The following CREB5 variants were observed in gnomAD, a reference collection of about 807,000 sequenced individuals.
CREB5 encodes the protein cAMP responsive element binding protein 5.
A neutral mutation model predicts 57.1 loss-of-function variants in CREB5; 19 were observed. The observed-to-expected ratio is 0.33, with a 90% CI of 0.23 to 0.49. The LOEUF is 0.49. Ranked by LOEUF, CREB5 falls within the 20% of genes least tolerant of loss-of-function variation. The pLI, the probability that CREB5 is intolerant of heterozygous loss-of-function variation, is 0.99. For synonymous variants in CREB5, 238 were observed against 238.3 expected (o/e 1.00, Z 0.01); for missense variants, 579 against 671.6 (o/e 0.86, Z 1.52).
At chr7:28,616,059 T>C (rs1797585761) in intron 5 of CREB5, among the ~76,000 whole-genome samples, 2 of 152,240 alleles carry the variant, frequency 1.3e-5, no homozygotes, top group Admixed American at 1.3e-4. Context: ...TTTTGTACAA[T>C]CTGAGTATTC....
chr7:28,541,993 A>C (rs1385559355), intron 4 of CREB5, among the ~76,000 whole-genome samples: 1 of 152,194 alleles, frequency 6.6e-6, no homozygotes, highest in Non-Finnish European at 1.5e-5. Flanking sequence ...ACTTAAAGCT[A>C]TTTATAGTTT....
chr7:28,650,142 T>G (rs1166178053), intron 5 of CREB5, among the ~76,000 whole-genome samples: 1 of 152,192 alleles, frequency 6.6e-6, no homozygotes, highest in Non-Finnish European at 1.5e-5. Context: ...AAACACATAA[T>G]CTAATGAAAC....
intron 4 of CREB5, among the ~76,000 whole-genome samples, chr7:28,518,832 G>C (rs1276479873): frequency 6.6e-6 from 1 of 152,202 alleles, no homozygotes; most frequent in East Asian, 1.9e-4. Flanking sequence ...AGTGTGGTCT[G>C]AACTCAGGAC....
chr7:28,689,214 C>T (rs1216960811), intron 5 of CREB5, among the ~76,000 whole-genome samples: 5 of 152,124 alleles, frequency 3.3e-5, no homozygotes, highest in African/African-American at 7.2e-5. Context: ...CAGTGGCTCA[C>T]GCCTGTAATC....
At chr7:28,797,052 ATAAAT>A (rs1261739165) in intron 7 of CREB5, among the ~76,000 whole-genome samples, 3 of 152,262 alleles carry the variant, frequency 2.0e-5, no homozygotes, top group African/African-American at 4.8e-5. Context: ...TTCAGCAAGA[ATAAAT>A]TAAAGGCTCA....
chr7:28,624,223 T>G (rs955376008), intron 5 of CREB5, among the ~76,000 whole-genome samples: 4 of 152,230 alleles, frequency 2.6e-5, no homozygotes, highest in Admixed American at 2.0e-4. Flanking sequence ...TTGCGTGAAT[T>G]CTAAAGCCAA....
intron 1 of CREB5, among the ~76,000 whole-genome samples, chr7:28,437,518 A>G (rs1789009027): frequency 6.6e-6 from 1 of 152,138 alleles, no homozygotes. Flanking sequence ...TACCAGTATT[A>G]GATGCTTGTT....
intron 5 of CREB5, among the ~76,000 whole-genome samples, chr7:28,642,388 C>G (rs918741233): frequency 3.3e-5 from 5 of 152,158 alleles, no homozygotes; most frequent in Admixed American, 2.6e-4. Context: ...CTCCCAGTCC[C>G]AAGAGACATA....
intron 1 of CREB5, among the ~76,000 whole-genome samples, chr7:28,478,949 A>G (rs1277053165): frequency 1.3e-5 from 2 of 152,152 alleles, no homozygotes; most frequent in Admixed American, 1.3e-4. Context: ...AATTTCACAT[A>G]CTTTTTTGAA....
At chr7:28,311,865 G>A (rs1785284337) in intron 1 of CREB5, among the ~76,000 whole-genome samples, 1 of 152,146 alleles carries the variant, frequency 6.6e-6, no homozygotes. Context: ...TGTCTCTGCC[G>A]TCTGCACTCC....
intron 1 of CREB5, among the ~76,000 whole-genome samples, chr7:28,441,489 G>T (rs1312801634): frequency 6.6e-6 from 1 of 152,098 alleles, no homozygotes; most frequent in Non-Finnish European, 1.5e-5. Context: ...TATTTATTTT[G>T]CCTACCTCCC....
At chr7:28,448,498 T>A (rs1789608761) in intron 1 of CREB5, among the ~76,000 whole-genome samples, 1 of 152,212 alleles carries the variant, frequency 6.6e-6, no homozygotes, top group South Asian at 2.1e-4. Flanking sequence ...TTGTTTTTCT[T>A]CTGGGCCCAG....
rs189901396 is a variant in CREB5 at position 28,772,307 on chromosome 7, G to T, written c.703-31892G>T. On this transcript the variant is annotated intron_variant, in intron 7 of 10. Transcript: ENST00000357727. ...TTGGGGCAAAAGAGCAATGAGGGCT[G>T]CAGGGTGACCTGGGCAGCCCAAGGG... Among the ~76,000 whole-genome samples, 661 of 152,322 alleles carry T rather than the reference G, an allele frequency of 4.3e-3. 5 individuals are homozygous for T. The highest frequency in any genetic ancestry group is 7.4e-3 in the Non-Finnish European group (501 of 68,028).
In CREB5 at chr7:28,570,431, G is replaced by A. The variant is rs762867307; in HGVS notation, c.358G>A (p.Ala120Thr). ...GCCCGGAACTCACCAGCTTAGCAGC[G>A]CTCGGCTGCCCAACCATGACACCAA... ...TGPGTHQLSS[A>T]RLPNHDTNVV... The change falls in exon 5 of 11, where the codon GCT becomes ACT. Residue 120 changes from alanine to threonine, a missense_variant. Coordinates refer to ENST00000357727, the MANE Select transcript of CREB5 (RefSeq NM_182898.4). 13 of 1,614,018 alleles carry A rather than the reference G, an allele frequency of 8.1e-6. No homozygotes were observed. Among genetic ancestry groups the A allele is most frequent in the Middle Eastern group, 1.6e-4 (1 of 6,084 alleles).
At chr7:28,527,903 A>G (rs1793515346) in intron 4 of CREB5, among the ~76,000 whole-genome samples, 1 of 152,142 alleles carries the variant, frequency 6.6e-6, no homozygotes, top group South Asian at 2.1e-4. Flanking sequence ...CCTACTTTGC[A>G]CCACTGTAAT....
intron 7 of CREB5, among the ~76,000 whole-genome samples, chr7:28,792,669 C>T (rs188565119): frequency 4.6e-4 from 70 of 152,264 alleles, no homozygotes; most frequent in African/African-American, 1.3e-3. Flanking sequence ...GAAAAGATTC[C>T]GTATTTTTTA....
At chr7:28,691,288 C>T (rs1583556330) in intron 5 of CREB5, among the ~76,000 whole-genome samples, 2 of 151,778 alleles carry the variant, frequency 1.3e-5, no homozygotes, top group Non-Finnish European at 2.9e-5. Flanking sequence ...GGTGTGGTGG[C>T]GGGTGCCTGT....
chr7:28,621,061 T>G (rs1431500633), intron 5 of CREB5, among the ~76,000 whole-genome samples: 3 of 152,084 alleles, frequency 2.0e-5, no homozygotes, highest in African/African-American at 7.2e-5. Flanking sequence ...TATGGCAGCA[T>G]CTCCCAAGGG....
chr7:28,483,128 A>G (rs989415186), intron 1 of CREB5, among the ~76,000 whole-genome samples: 2 of 152,216 alleles, frequency 1.3e-5, no homozygotes, highest in Non-Finnish European at 2.9e-5. Context: ...TACAATAGGT[A>G]TTTACAGTAT....
Sources: gnomAD v4.1 joint callset for allele counts (sites outside exome capture counted in the v4.1 genomes callset) on GRCh38, gnomAD v4.1.1 for gene constraint, MANE v1.5 for transcripts, NCBI Gene and HGNC (gene_info 2026-07-23, HGNC 2026-07-21) for gene names.